The following TRPM3 variants were observed in gnomAD, a reference collection of about 807,000 sequenced individuals.
The protein encoded by TRPM3 is long transient receptor potential channel 3.
A neutral mutation model predicts 181.2 loss-of-function variants in TRPM3; 77 were observed. The observed-to-expected ratio is 0.42, with a 90% CI of 0.35 to 0.51. The LOEUF is 0.51. Ranked by LOEUF, TRPM3 falls within the 20% of genes least tolerant of loss-of-function variation. The pLI is 0.01. For missense variants in TRPM3, 1,759 were observed against 2,196.7 expected, an observed-to-expected ratio of 0.80 and a Z score of 3.98; for synonymous variants, 745 against 796.4, an observed-to-expected ratio of 0.94 and a Z score of 1.09.
intron 1 of TRPM3, among the ~76,000 whole-genome samples, chr9:71,338,654 A>G (rs2090742969): frequency 6.6e-6 from 1 of 152,088 alleles, no homozygotes; most frequent in Non-Finnish European, 1.5e-5. Context: ...CAGTATCTGA[A>G]ATAAAACATG....
At chr9:71,261,218 C>T (rs1262695696) in intron 1 of TRPM3, among the ~76,000 whole-genome samples, 2 of 152,170 alleles carry the variant, frequency 1.3e-5, no homozygotes, top group East Asian at 3.9e-4. Flanking sequence ...ATTCTTTTAT[C>T]TCTAATCTTG....
chr9:70,846,102 A>T (rs1292807998), intron 4 of TRPM3, among the ~76,000 whole-genome samples: 1 of 152,246 alleles, frequency 6.6e-6, no homozygotes, highest in East Asian at 1.9e-4. Context: ...CTATTTAAAA[A>T]TATCCTGTGA....
At chr9:71,121,702 T>G, upstream of TRPM3, 4 of 985,664 alleles carry the variant, frequency 4.1e-6, no homozygotes, top group Non-Finnish European at 2.5e-6. Flanking sequence ...TTTGCTAGCT[T>G]GGTTTGGGGG....
Position 70,603,484 on chromosome 9 carries a change from C to G in TRPM3, c.2668-14G>C. 1 of 1,613,298 alleles carries G rather than the reference C, an allele frequency of 6.2e-7. No homozygotes were observed. The highest frequency in any genetic ancestry group is 1.1e-5 in the South Asian group (1 of 90,878). ...GATATACGCCAGCTGTAAGGAGACACAATACAGTGCTCTGGCTGTTCAGGC... is the reference window on the plus strand; with the variant it reads ...GATATACGCCAGCTGTAAGGAGACAGAATACAGTGCTCTGGCTGTTCAGGC... On this transcript the variant is annotated splice_polypyrimidine_tract_variant and intron_variant, in intron 19 of 25. Transcript: ENST00000677713.
intron 1 of TRPM3, among the ~76,000 whole-genome samples, chr9:71,399,458 ATAAAG>A (rs1312407185): frequency 6.6e-6 from 1 of 151,984 alleles, no homozygotes; most frequent in African/African-American, 2.4e-5. Context: ...AAGGGAATCT[ATAAAG>A]TAAGCTATCT....
chr9:70,695,441 C>G (rs10118419), intron 8 of TRPM3, among the ~76,000 whole-genome samples: 1 of 151,982 alleles, frequency 6.6e-6, no homozygotes, highest in Non-Finnish European at 1.5e-5. Flanking sequence ...GTTTCCTGGT[C>G]ATGCTCTCTC....
chr9:70,964,957 T>C (rs1054712142), intron 1 of TRPM3, among the ~76,000 whole-genome samples: 3 of 152,080 alleles, frequency 2.0e-5, no homozygotes, highest in African/African-American at 7.2e-5. Context: ...GTTTTTAATT[T>C]AGTACAGTAA....
At chr9:70,559,171 CA>C (rs752826227) in intron 22 of TRPM3, among the ~76,000 whole-genome samples, 1 of 152,204 alleles carries the variant, frequency 6.6e-6, no homozygotes, top group Non-Finnish European at 1.5e-5. Flanking sequence ...GTTCACTAAA[CA>C]GCCTCTAGAA....
At chr9:71,103,881 G>A (rs1023124821) in intron 1 of TRPM3, among the ~76,000 whole-genome samples, 5 of 151,216 alleles carry the variant, frequency 3.3e-5, no homozygotes, top group African/African-American at 1.2e-4. Flanking sequence ...CAAGCTCTGT[G>A]AAATAATGGA....
chr9:71,226,281 G>T (rs2080644393), intron 1 of TRPM3, among the ~76,000 whole-genome samples: 1 of 151,858 alleles, frequency 6.6e-6, no homozygotes, highest in Non-Finnish European at 1.5e-5. Context: ...GAAAGAGAAG[G>T]TGACAAAGCT....
chr9:70,574,164 A>G (rs1014632318), intron 22 of TRPM3, among the ~76,000 whole-genome samples: 1 of 152,146 alleles, frequency 6.6e-6, no homozygotes, highest in Admixed American at 6.5e-5. Context: ...CTCAGTTTCT[A>G]CACAAAATCC....
intron 1 of TRPM3, among the ~76,000 whole-genome samples, chr9:71,329,820 A>T (rs998406716): frequency 9.2e-5 from 14 of 152,130 alleles, no homozygotes; most frequent in African/African-American, 3.4e-4. Context: ...ATGATTCTGA[A>T]ATTCTATTAA....
intron 1 of TRPM3, among the ~76,000 whole-genome samples, chr9:71,442,267 C>T (rs2094145822): frequency 6.6e-6 from 1 of 152,210 alleles, no homozygotes; most frequent in South Asian, 2.1e-4. Flanking sequence ...AGCAAGAGTG[C>T]TGTCTAAGGT....
chr9:70,836,119 A>C (rs549616707), intron 5 of TRPM3, among the ~76,000 whole-genome samples: 8 of 152,146 alleles, frequency 5.3e-5, no homozygotes, highest in African/African-American at 1.9e-4. Context: ...AAACTCCTTC[A>C]ACATCCTGAC....
chr9:70,989,207 A>T (rs79400435), intron 1 of TRPM3, among the ~76,000 whole-genome samples: 1 of 152,192 alleles, frequency 6.6e-6, no homozygotes, highest in South Asian at 2.1e-4. Flanking sequence ...TTGAAAAAAA[A>T]TTCCTCCTGT....
Position 70,788,156 on chromosome 9 carries a change from T to TC in TRPM3, c.974-3878dup, listed in dbSNP as rs1401403835. Among the ~76,000 whole-genome samples, 3 of 71,760 alleles carry TC rather than the reference T, an allele frequency of 4.2e-5. No individual in the cohort carries two copies. In the East Asian group the frequency reaches 1.4e-3, roughly 34 times the overall value. 47.1% of individuals were successfully genotyped at this position (71,760 alleles called of 152,430 possible). A position where few individuals can be genotyped will look rare whatever the true frequency, so the allele number is the denominator to read the frequency against. On this transcript the variant is annotated intron_variant, in intron 6 of 25. Coordinates refer to ENST00000677713, the MANE Select transcript of TRPM3 (RefSeq NM_001366145.2). ...TAGGTATATCTCCCAATGCTATCCC[T>TC]CCCCCCTCCCCCCACCCCACCACAG...
At chr9:70,800,076 A>G (rs1198305227) in intron 6 of TRPM3, among the ~76,000 whole-genome samples, 1 of 152,220 alleles carries the variant, frequency 6.6e-6, no homozygotes, top group African/African-American at 2.4e-5. Flanking sequence ...CTGGTTCAAC[A>G]CTGAACATGA....
intron 1 of TRPM3, among the ~76,000 whole-genome samples, chr9:71,381,337 G>A (rs1390578883): frequency 6.6e-6 from 1 of 152,046 alleles, no homozygotes; most frequent in Admixed American, 6.6e-5. Flanking sequence ...TCACAGAGGT[G>A]GAAGACAGTA....
chr9:70,904,048 C>A (rs1462015769), intron 1 of TRPM3, among the ~76,000 whole-genome samples: 1 of 152,008 alleles, frequency 6.6e-6, no homozygotes, highest in African/African-American at 2.4e-5. Context: ...CATGGCGAAA[C>A]CTATCTCTAC....
Sources: allele counts gnomAD v4.1 joint callset (sites outside exome capture counted in the v4.1 genomes callset), GRCh38; gene constraint gnomAD v4.1.1; transcripts MANE v1.5; gene names NCBI Gene and HGNC (gene_info 2026-07-23, HGNC 2026-07-21).